CSMD1: variants seen among roughly 807,000 people sequenced by gnomAD.
The protein encoded by CSMD1 is CUB and sushi domain-containing protein 1.
In CSMD1, 213 loss-of-function variants were observed where a neutral mutation model predicts 417.5. That is an observed-to-expected ratio of 0.51 (90% confidence interval 0.46 to 0.57). The LOEUF is 0.57. Ranked by LOEUF, CSMD1 falls within the 20% of genes least tolerant of loss-of-function variation. The pLI is 0.00. For missense variants in CSMD1, 6,923 were observed against 4,529.7 expected (o/e 1.53, Z -15.17); for synonymous variants, 2,862 against 1,736.8 (o/e 1.65, Z -16.11).
At chr8:4,812,792 C>G (rs1169963206) in intron 1 of CSMD1, among the ~76,000 whole-genome samples, 1 of 152,124 alleles carries the variant, frequency 6.6e-6, no homozygotes, top group Non-Finnish European at 1.5e-5. Context: ...TTTGTAGATG[C>G]TCTTATGGAG....
intron 10 of CSMD1, among the ~76,000 whole-genome samples, chr8:3,571,754 C>CGA (rs1432057584): frequency 2.9e-4 from 7 of 24,218 alleles, no homozygotes; most frequent in Non-Finnish European, 4.8e-4. Flanking sequence ...TGCTAAGTCT[C>CGA]CGTCTGGGGC....
At chr8:3,017,195 G>A (rs76299906) in intron 52 of CSMD1, among the ~76,000 whole-genome samples, 2,347 of 152,182 alleles carry the variant, frequency 0.015, 20 homozygotes, top group East Asian at 0.038. Flanking sequence ...TGAGTGTCTC[G>A]GACCACCTAG....
chr8:3,386,006 T>A (rs1027487801), intron 18 of CSMD1, among the ~76,000 whole-genome samples: 1 of 152,230 alleles, frequency 6.6e-6, no homozygotes, highest in Admixed American at 6.5e-5. Flanking sequence ...GTCTAAATTC[T>A]TACTGTCTTT....
At chr8:4,234,651 G>A (rs1044171596) in intron 3 of CSMD1, among the ~76,000 whole-genome samples, 1 of 152,108 alleles carries the variant, frequency 6.6e-6, no homozygotes, top group Non-Finnish European at 1.5e-5. Flanking sequence ...TGCACCTGAC[G>A]AATAGATGGC....
intron 1 of CSMD1, among the ~76,000 whole-genome samples, chr8:4,738,553 A>G (rs1810393729): frequency 6.6e-6 from 1 of 152,144 alleles, no homozygotes; most frequent in Non-Finnish European, 1.5e-5. Flanking sequence ...CAGGGGAACT[A>G]CAATTCTAGA....
chr8:3,746,385 G>T (rs757420074), intron 6 of CSMD1, among the ~76,000 whole-genome samples: 2 of 152,182 alleles, frequency 1.3e-5, no homozygotes, highest in Non-Finnish European at 2.9e-5. Flanking sequence ...GGATACCATT[G>T]TTGGCCCCCA....
intron 1 of CSMD1, chr8:4,787,758 A>G: frequency 6.3e-7 from 1 of 1,588,106 alleles, no homozygotes. Context: ...TTGCTGCAAA[A>G]TTTTGCTTCG....
At chr8:4,662,193 A>T (rs2130923106) in intron 1 of CSMD1, among the ~76,000 whole-genome samples, 1 of 152,334 alleles carries the variant, frequency 6.6e-6, no homozygotes, top group South Asian at 2.1e-4. Context: ...AACAGGGTCT[A>T]ATAACCTGAC....
At chr8:4,314,901 G>A (rs775160175) in intron 3 of CSMD1, among the ~76,000 whole-genome samples, 4 of 152,260 alleles carry the variant, frequency 2.6e-5, no homozygotes, top group Non-Finnish European at 5.9e-5. Flanking sequence ...ACATAATTGG[G>A]CTCCTAAAAA....
At chr8:4,362,383 G>A (rs912786074) in intron 3 of CSMD1, among the ~76,000 whole-genome samples, 1 of 150,434 alleles carries the variant, frequency 6.6e-6, no homozygotes, top group Non-Finnish European at 1.5e-5. Context: ...TGGTCCAGCA[G>A]AGCCTGGGGA....
intron 6 of CSMD1, among the ~76,000 whole-genome samples, chr8:3,716,558 C>T (rs1328413422): frequency 6.6e-6 from 1 of 152,258 alleles, no homozygotes; most frequent in East Asian, 1.9e-4. Context: ...CTCTCGTCCC[C>T]GTCTTGGTTT....
At chr8:3,111,492 C>A (rs1816512572) in intron 42 of CSMD1, among the ~76,000 whole-genome samples, 1 of 152,192 alleles carries the variant, frequency 6.6e-6, no homozygotes, top group Admixed American at 6.5e-5. Context: ...TCTATAAATT[C>A]TATGAGGTCA....
At chr8:4,518,687 G>T (rs1413611538) in intron 2 of CSMD1, among the ~76,000 whole-genome samples, 2 of 151,274 alleles carry the variant, frequency 1.3e-5, no homozygotes, top group Non-Finnish European at 2.9e-5. Flanking sequence ...TAACGGTGCA[G>T]CACACCAACG....
At chr8:3,837,897 C>G (rs908416663) in intron 5 of CSMD1, among the ~76,000 whole-genome samples, 1 of 152,138 alleles carries the variant, frequency 6.6e-6, no homozygotes, top group Non-Finnish European at 1.5e-5. Flanking sequence ...TCTTCTGTCA[C>G]TTGGAAATGC....
chr8:4,780,415 A>ATCTGTCTGTCTG (rs142711514), intron 1 of CSMD1, among the ~76,000 whole-genome samples: 45 of 151,744 alleles, frequency 3.0e-4, no homozygotes, highest in African/African-American at 1.0e-3. Flanking sequence ...TGATCAGTCG[A>ATCTGTCTGTCTG]TCTGTCTGTC....
intron 11 of CSMD1, among the ~76,000 whole-genome samples, chr8:3,489,802 A>C (rs1350083076): frequency 6.6e-6 from 1 of 152,210 alleles, no homozygotes; most frequent in Non-Finnish European, 1.5e-5. Flanking sequence ...AATTTCTCTT[A>C]AAATCGAGAT....
chr8:3,688,666 G>A (rs13263167), intron 7 of CSMD1, among the ~76,000 whole-genome samples: 72,711 of 151,944 alleles, frequency 0.48, 17,879 homozygotes, highest in Admixed American at 0.57. Context: ...ATGAAATTTC[G>A]TGGCAGTTCT....
intron 5 of CSMD1, among the ~76,000 whole-genome samples, chr8:3,933,783 A>G (rs1810307624): frequency 6.6e-6 from 1 of 152,180 alleles, no homozygotes; most frequent in Non-Finnish European, 1.5e-5. Flanking sequence ...TTCCTGCTAT[A>G]TTTATTTTTA....
chr8:4,240,286 C>T (rs1254238254), intron 3 of CSMD1, among the ~76,000 whole-genome samples: 6 of 152,172 alleles, frequency 3.9e-5, no homozygotes, highest in Admixed American at 6.5e-5. Flanking sequence ...CCTCTGATTG[C>T]TTTGACCCTT....
Sources: gnomAD v4.1 joint callset for allele counts (sites outside exome capture counted in the v4.1 genomes callset) on GRCh38, gnomAD v4.1.1 for gene constraint, MANE v1.5 for transcripts, NCBI Gene and HGNC (gene_info 2026-07-23, HGNC 2026-07-21) for gene names.